Variants in GPR137 observed in about 807,000 individuals in gnomAD.
GPR137 encodes the protein G protein-coupled receptor 137.
Under a neutral mutation model 38.9 loss-of-function variants are expected in GPR137, and 20 were observed. The ratio of observed to expected loss-of-function variants is 0.51; its 90% confidence interval spans 0.36 to 0.75. The LOEUF is 0.75. Ranked by LOEUF, GPR137 falls within the 30% of genes least tolerant of loss-of-function variation. The pLI is 0.00. For synonymous variants in GPR137, 226 were observed against 235.8 expected (o/e 0.96, Z 0.38); for missense variants, 456 against 526.4 (o/e 0.87, Z 1.31).
At position 64,287,814 on chromosome 11, in the gene GPR137, G is replaced by C. The variant is rs764587210; in HGVS notation, c.501G>C (p.Gln167His). Reference sequence around the variant, plus strand: ...TGCTCTCCCATCGGCGCCGGGCACAGCCCTGGGCCCTGCTGCTTGTCCGCG... The same window carrying C: ...TGCTCTCCCATCGGCGCCGGGCACACCCCTGGGCCCTGCTGCTTGTCCGCG... ...CAVLSHRRRA[Q>H]PWALLLVRVL... The change falls in exon 3 of 7, where the codon CAG (glutamine) becomes CAC (histidine). Residue 167 changes from glutamine (Q) to histidine (H), a missense_variant. Gln to His is a conservative substitution (Grantham distance 24). Transcript: ENST00000438980. 5.0e-6 allele frequency: 8 copies of C among 1,606,768 alleles called. No individual in the cohort carries two copies. The highest frequency in any genetic ancestry group is 4.0e-5 in the African/African-American group (3 of 74,940).
rs1202123637 is a variant in GPR137 at position 64,289,232 on chromosome 11, G to C, written c.*36G>C. On this transcript the variant is annotated 3_prime_UTR_variant, in exon 7 of 7. Coordinates refer to ENST00000438980, the MANE Select transcript of GPR137 (RefSeq NM_001170880.2). ...TCCCCCACAGAATACCCAGGCCCCA[G>C]TCCCCCTCACCCTAGGCCCCTGTGC... The C allele has an allele frequency of 1.3e-6, 2 of 1,580,314 alleles. No homozygotes were observed. Among genetic ancestry groups the C allele is most frequent in the African/African-American group, 2.7e-5 (2 of 73,266 alleles).
intron 2 of GPR137, chr11:64,276,970 T>C (rs1383801600): frequency 1.3e-6 from 1 of 743,418 alleles, no homozygotes; most frequent in Non-Finnish European, 2.5e-6. Context: ...TCCCTGCTGA[T>C]GCTTCCGCGA....
At chr11:64,280,975 A>T (rs1053863773), upstream of GPR137, among the ~76,000 whole-genome samples, 8 of 101,770 alleles carry the variant, frequency 7.9e-5, no homozygotes, top group Non-Finnish European at 1.3e-4. Context: ...GCCAATAATA[A>T]TTTTTTTTTT....
chr11:64,284,562 C>CA, upstream of GPR137: 27 of 1,495,076 alleles, frequency 1.8e-5, no homozygotes, highest in Non-Finnish European at 2.4e-5. Context: ...CTCAGGACCT[C>CA]AGTCTCCCCT....
chr11:64,285,535 C>A (rs907938033), upstream of GPR137: 1 of 985,144 alleles, frequency 1.0e-6, no homozygotes, highest in Non-Finnish European at 1.2e-6. Context: ...CCGTTGCCGC[C>A]CCCGGCCGGG....
Position 64,287,810 on chromosome 11 carries a change from C to T in GPR137, c.497C>T (p.Ala166Val), listed in dbSNP as rs1419257311. 1 of 1,607,210 alleles carries T rather than the reference C, an allele frequency of 6.2e-7. No homozygotes were observed. The highest frequency in any genetic ancestry group is 8.5e-7 in the Non-Finnish European group (1 of 1,179,924). The change falls in exon 3 of 7, where the codon GCA (alanine) becomes GTA (valine). Residue 166 changes from alanine (A) to valine (V), a missense_variant. By Grantham distance (64) the Ala-to-Val change is moderately conservative. Transcript: ENST00000438980. Reference protein sequence around the residue: ...LCAVLSHRRRAQPWALLLVRV... With the variant: ...LCAVLSHRRRVQPWALLLVRV... ...GCTGTGCTCTCCCATCGGCGCCGGGCACAGCCCTGGGCCCTGCTGCTTGTC... is the reference window on the plus strand; with the variant it reads ...GCTGTGCTCTCCCATCGGCGCCGGGTACAGCCCTGGGCCCTGCTGCTTGTC...
chr11:64,280,361 T>TA (rs2033378425), upstream of GPR137, among the ~76,000 whole-genome samples: 2 of 61,556 alleles, frequency 3.2e-5, no homozygotes, highest in African/African-American at 4.4e-5. Flanking sequence ...AATAATAATT[T>TA]TTTTTTTTGA....
upstream of GPR137, among the ~76,000 whole-genome samples, chr11:64,280,586 C>T (rs1351859285): frequency 6.6e-6 from 1 of 150,806 alleles, no homozygotes; most frequent in Admixed American, 6.6e-5. Flanking sequence ...CTCCTGACCT[C>T]GTGATCCGCC....
At position 64,288,572 on chromosome 11, in the gene GPR137, A is replaced by C; in HGVS notation, c.913-31A>C. 1.9e-6 allele frequency: 3 copies of C among 1,613,114 alleles called. No homozygotes were observed. In the South Asian group the frequency reaches 3.3e-5, roughly 18 times the overall value. On this transcript the variant is annotated intron_variant, in intron 5 of 6. Coordinates refer to ENST00000438980, the MANE Select transcript of GPR137 (RefSeq NM_001170880.2). This position sits in a 1 kb window ranked among gnomAD's most constrained non-coding sequence, Gnocchi z 5.5. ...GCCTGGGAGGCCAGTGCAGGACAGGAGTAAGTATCGATGATGGCTTCCTCC... is the reference window on the plus strand; with the variant it reads ...GCCTGGGAGGCCAGTGCAGGACAGGCGTAAGTATCGATGATGGCTTCCTCC...
At chr11:64,285,375 G>C, upstream of GPR137, 1 of 985,020 alleles carries the variant, frequency 1.0e-6, no homozygotes, top group Non-Finnish European at 1.2e-6. Context: ...GCAGGCGGCC[G>C]GCCAGGTGAG....
chr11:64,287,754 G>T lies in GPR137; in HGVS notation c.441G>T (p.Ser147=). ...TCCGAGGGGCCTTTGTGGGGGCCTC[G>T]CTGCTCTTTCTGCTGGTGAACGTGC... ...LAVRGAFVGA[S]LLFLLVNVLC... The change falls in exon 3 of 7, where the codon TCG becomes TCT. Residue 147 remains serine (S), a synonymous_variant. Coordinates refer to ENST00000438980, the MANE Select transcript of GPR137 (RefSeq NM_001170880.2). 1 of 1,606,256 alleles carries T rather than the reference G, an allele frequency of 6.2e-7. No homozygotes were observed.
chr11:64,288,489 C>T lies in GPR137; in HGVS notation c.912+21C>T, dbSNP rs769662867. 1 of 1,613,068 alleles carries T rather than the reference C, an allele frequency of 6.2e-7. No individual in the cohort carries two copies. Among genetic ancestry groups the T allele is most frequent in the East Asian group, 2.2e-5 (1 of 44,876 alleles). On this transcript the variant is annotated intron_variant, in intron 5 of 6. Coordinates refer to ENST00000438980, the MANE Select transcript of GPR137 (RefSeq NM_001170880.2). The surrounding 1 kb of genome is among the most constrained non-coding windows in gnomAD (Gnocchi z 5.5). ...ACCTGGTAAGGGTCTGCTCCCTCTT[C>T]TGTGGGGCCAGTGGAGGGGGCGGAT...
At chr11:64,280,464 G>A (rs1461986960), upstream of GPR137, among the ~76,000 whole-genome samples, 1 of 146,010 alleles carries the variant, frequency 6.8e-6, no homozygotes, top group Non-Finnish European at 1.5e-5. Context: ...CCATTCTCCT[G>A]CCTCAGCCTC....
At chr11:64,283,773 C>T (rs936576009), upstream of GPR137, among the ~76,000 whole-genome samples, 1 of 152,130 alleles carries the variant, frequency 6.6e-6, no homozygotes, top group African/African-American at 2.4e-5. Context: ...GATTTCTGTC[C>T]TAACCCCACA....
chr11:64,285,330 G>A (rs2033831044), upstream of GPR137: 7 of 985,472 alleles, frequency 7.1e-6, no homozygotes, highest in African/African-American at 1.7e-5. Flanking sequence ...ACCCGGTGAG[G>A]GAGGACCGTA....
At chr11:64,280,238 T>C (rs1253805781), upstream of GPR137, among the ~76,000 whole-genome samples, 1 of 149,530 alleles carries the variant, frequency 6.7e-6, no homozygotes, top group African/African-American at 2.5e-5. Context: ...GAGAATGGCG[T>C]GAACCCGGGA....
chr11:64,281,105 C>T (rs546750828), upstream of GPR137, among the ~76,000 whole-genome samples: 1 of 151,358 alleles, frequency 6.6e-6, no homozygotes, highest in African/African-American at 2.4e-5. Flanking sequence ...GTAGCTGGGA[C>T]TACAGGCGCC....
chr11:64,289,372 G>A lies in GPR137; in HGVS notation c.*176G>A, dbSNP rs2034537005. 6.4e-7 allele frequency: 1 copy of A among 1,566,744 alleles called. No homozygotes were observed. The highest frequency in any genetic ancestry group is 8.7e-7 in the Non-Finnish European group (1 of 1,155,316). On this transcript the variant is annotated 3_prime_UTR_variant, in exon 7 of 7. Transcript: ENST00000438980. ...GCTTGTGCCGTCCCCCTAGGATGGG[G>A]GGCATGGCCCTGGCTGCCAGATGCC...
upstream of GPR137, among the ~76,000 whole-genome samples, chr11:64,282,704 C>A (rs1305692187): frequency 6.6e-6 from 1 of 151,632 alleles, no homozygotes; most frequent in African/African-American, 2.4e-5. Context: ...ACGGTGAAAC[C>A]CCATCTCTAA....
Sources: allele counts gnomAD v4.1 joint callset (sites outside exome capture counted in the v4.1 genomes callset), GRCh38; gene constraint gnomAD v4.1.1; non-coding constraint Gnocchi (gnomAD v3.1); transcripts MANE v1.5; gene names NCBI Gene and HGNC (gene_info 2026-07-23, HGNC 2026-07-21).